CCSER1: variants seen among roughly 807,000 people sequenced by gnomAD.
CCSER1 encodes coiled-coil serine rich protein 1.
A neutral mutation model predicts 82.0 loss-of-function variants in CCSER1; 41 were observed. The ratio of observed to expected loss-of-function variants is 0.50; its 90% CI spans 0.39 to 0.65. The LOEUF is 0.65. Ranked by LOEUF, CCSER1 falls within the 30% of genes least tolerant of loss-of-function variation. The pLI is 0.00. For missense variants in CCSER1, 1,119 were observed against 1,064.2 expected (o/e 1.05, Z -0.72); for synonymous variants, 414 against 383.9 (o/e 1.08, Z -0.92).
chr4:90,875,219 A>G (rs556602429), intron 8 of CCSER1, among the ~76,000 whole-genome samples: 129 of 152,138 alleles, frequency 8.5e-4, no homozygotes, highest in Non-Finnish European at 1.6e-3. Flanking sequence ...CGTGTTGCAC[A>G]TCACATCAAA....
At chr4:90,409,944 A>G (rs551886828) in intron 4 of CCSER1, among the ~76,000 whole-genome samples, 20 of 152,300 alleles carry the variant, frequency 1.3e-4, no homozygotes, top group African/African-American at 4.6e-4. Context: ...AGATCTACCA[A>G]GCAAATGGAA....
At chr4:91,296,449 T>TTATATATATATATATATATATATATATA (rs72475346) in intron 10 of CCSER1, among the ~76,000 whole-genome samples, 2 of 94,096 alleles carry the variant, frequency 2.1e-5, no homozygotes, top group African/African-American at 5.6e-5. Flanking sequence ...GTGTCTAACA[T>TTATATATATATATATATATATATATATA]TATATATATA....
At chr4:91,408,135 A>G (rs1752810810) in intron 10 of CCSER1, among the ~76,000 whole-genome samples, 1 of 152,178 alleles carries the variant, frequency 6.6e-6, no homozygotes, top group African/African-American at 2.4e-5. Context: ...ATTAAGATAA[A>G]GAGAGATGTT....
intron 4 of CCSER1, among the ~76,000 whole-genome samples, chr4:90,438,194 A>G (rs1759323858): frequency 6.6e-6 from 1 of 152,166 alleles, no homozygotes; most frequent in African/African-American, 2.4e-5. Context: ...CTCTTAAGAA[A>G]CCAGACTTGA....
At chr4:91,454,393 A>T (rs2149423098) in intron 10 of CCSER1, among the ~76,000 whole-genome samples, 1 of 152,060 alleles carries the variant, frequency 6.6e-6, no homozygotes, top group East Asian at 1.9e-4. Context: ...TTTATTTAGT[A>T]GTCACATTGT....
chr4:91,570,777 C>T (rs1763138593), intron 10 of CCSER1, among the ~76,000 whole-genome samples: 1 of 152,186 alleles, frequency 6.6e-6, no homozygotes, highest in Admixed American at 6.5e-5. Flanking sequence ...GCCCTGGAGA[C>T]ATTTTCCCCA....
chr4:90,989,997 G>A (rs1376835850), intron 9 of CCSER1, among the ~76,000 whole-genome samples: 1 of 151,774 alleles, frequency 6.6e-6, no homozygotes, highest in African/African-American at 2.4e-5. Context: ...GAAGATGTCT[G>A]GTCCATGAGA....
Position 91,292,134 on chromosome 4 carries a change from A to G in CCSER1, c.2217+206140A>G, listed in dbSNP as rs965751403. On this transcript the variant is annotated intron_variant, in intron 10 of 10. Coordinates refer to ENST00000509176, the MANE Select transcript of CCSER1 (RefSeq NM_001145065.2). ...GTTGAATGTGAACAAGAGCAAGTCCAGGAGCATGTGGAAGGCCTGGCAGAA... is the reference window on the plus strand; with the variant it reads ...GTTGAATGTGAACAAGAGCAAGTCCGGGAGCATGTGGAAGGCCTGGCAGAA... 3.3e-5 allele frequency among the ~76,000 whole-genome samples: 5 copies of G among 152,210 alleles called. No individual in the cohort carries two copies. The South Asian group carries it at 1.0e-3, about 32-fold the overall frequency.
At chr4:90,470,762 C>CA (rs754754971) in intron 5 of CCSER1, among the ~76,000 whole-genome samples, 15,009 of 70,944 alleles carry the variant, frequency 0.21, 1,570 homozygotes, top group East Asian at 0.39. Context: ...TTAATCAAAG[C>CA]AAAAAAAAAA....
At chr4:91,453,338 A>G (rs1208944032) in intron 10 of CCSER1, among the ~76,000 whole-genome samples, 1 of 151,922 alleles carries the variant, frequency 6.6e-6, no homozygotes, top group East Asian at 1.9e-4. Flanking sequence ...TTTATAGGTG[A>G]TTTGTTTTGC....
chr4:90,328,147 A>G (rs1478698724), intron 3 of CCSER1, among the ~76,000 whole-genome samples: 5 of 152,174 alleles, frequency 3.3e-5, no homozygotes, highest in Admixed American at 6.5e-5. Flanking sequence ...GGGAATTTCT[A>G]TTATATTGGA....
chr4:91,350,234 T>G (rs1468251328), intron 10 of CCSER1, among the ~76,000 whole-genome samples: 1 of 152,190 alleles, frequency 6.6e-6, no homozygotes, highest in Non-Finnish European at 1.5e-5. Flanking sequence ...CAAAACAAAT[T>G]TAGATCTGAA....
At chr4:90,701,812 CA>C (rs1738212589) in intron 6 of CCSER1, among the ~76,000 whole-genome samples, 1 of 152,164 alleles carries the variant, frequency 6.6e-6, no homozygotes, top group Non-Finnish European at 1.5e-5. Context: ...ATGATTTTTG[CA>C]CATTGATTTT....
chr4:91,545,105 G>A (rs1014795012), intron 10 of CCSER1, among the ~76,000 whole-genome samples: 5 of 152,106 alleles, frequency 3.3e-5, no homozygotes, highest in Admixed American at 6.5e-5. Context: ...GGGAGGCTCC[G>A]TGAGCTTGGG....
intron 1 of CCSER1, among the ~76,000 whole-genome samples, chr4:90,258,933 CT>C (rs1723834390): frequency 6.6e-6 from 1 of 152,074 alleles, no homozygotes; most frequent in Non-Finnish European, 1.5e-5. Context: ...CAGATTTGTT[CT>C]TTTTGCTTAG....
At chr4:90,870,352 T>C (rs1393457445) in intron 8 of CCSER1, among the ~76,000 whole-genome samples, 1 of 151,976 alleles carries the variant, frequency 6.6e-6, no homozygotes, top group African/African-American at 2.4e-5. Context: ...TTAAATTGTA[T>C]TGAAGTATGT....
chr4:90,314,705 C>T (rs1170664680), intron 3 of CCSER1, among the ~76,000 whole-genome samples: 1 of 151,826 alleles, frequency 6.6e-6, no homozygotes, highest in African/African-American at 2.4e-5. Context: ...TGAGTTATTG[C>T]ACCACTGCAC....
At position 90,838,434 on chromosome 4, in the gene CCSER1, T is replaced by C. The variant is rs183607002; in HGVS notation, c.2094+22589T>C. Among the ~76,000 whole-genome samples the C allele has an allele frequency of 4.3e-3, 648 of 151,750 alleles. 5 individuals carry two copies. Among genetic ancestry groups the C allele is most frequent in the Non-Finnish European group, 5.0e-3 (338 of 67,874 alleles). On this transcript the variant is annotated intron_variant, in intron 8 of 10. Coordinates refer to ENST00000509176, the MANE Select transcript of CCSER1 (RefSeq NM_001145065.2). ...TTGAATTCAATTTATATGATCTGCT[T>C]GATCATTTTTAATAATTTAATATGT...
intron 10 of CCSER1, among the ~76,000 whole-genome samples, chr4:91,153,553 G>A (rs769447943): frequency 2.0e-5 from 3 of 151,922 alleles, no homozygotes; most frequent in African/African-American, 4.8e-5. Flanking sequence ...TTGTCCTGTT[G>A]CTGGCAAGGA....
Sources: gnomAD v4.1 joint callset for allele counts (sites outside exome capture counted in the v4.1 genomes callset) on GRCh38, gnomAD v4.1.1 for gene constraint, MANE v1.5 for transcripts, NCBI Gene and HGNC (gene_info 2026-07-23, HGNC 2026-07-21) for gene names.